DYNC1I2: variants seen among roughly 807,000 people sequenced by gnomAD.
DYNC1I2 encodes the protein dynein cytoplasmic 1 intermediate chain 2.
DYNC1I2 carries 53 observed loss-of-function variants against 88.6 expected under a neutral mutation model. That is an observed-to-expected ratio of 0.60 (90% confidence interval 0.48 to 0.75). The LOEUF is 0.75. Among genes scored for constraint, DYNC1I2 ranks in the 30% least tolerant of loss-of-function variants. The pLI is 0.00. For missense variants in DYNC1I2, 458 were observed against 766.6 expected (o/e 0.60, Z 4.75); for synonymous variants, 198 against 254.6 (o/e 0.78, Z 2.12).
chr2:171,698,834 A>G (rs1029046012), intron 3 of DYNC1I2, among the ~76,000 whole-genome samples: 4 of 151,972 alleles, frequency 2.6e-5, no homozygotes, highest in Non-Finnish European at 5.9e-5. Flanking sequence ...GCGCCACTGC[A>G]CTCCAGCCTG....
chr2:171,706,335 C>G (rs1427705259), intron 3 of DYNC1I2, among the ~76,000 whole-genome samples: 3 of 152,106 alleles, frequency 2.0e-5, no homozygotes, highest in Non-Finnish European at 4.4e-5. Context: ...CAGTGATGAT[C>G]CTCCTATACT....
intron 6 of DYNC1I2, 54 bp downstream of exon 6, chr2:171,712,880 G>A: frequency 1.4e-6 from 2 of 1,443,650 alleles, no homozygotes; most frequent in Non-Finnish European, 1.9e-6. Context: ...GATTCTTTGT[G>A]AAACTGTCCT....
intron 7 of DYNC1I2, among the ~76,000 whole-genome samples, chr2:171,719,828 C>T (rs553296634): frequency 5.3e-5 from 8 of 152,234 alleles, no homozygotes; most frequent in Admixed American, 3.9e-4. Context: ...GCTTTGCTGT[C>T]TTAAAGCGCC....
intron 7 of DYNC1I2, among the ~76,000 whole-genome samples, chr2:171,718,839 C>CACCAAA (rs1236435270): frequency 6.6e-6 from 1 of 152,136 alleles, no homozygotes; most frequent in Non-Finnish European, 1.5e-5. Flanking sequence ...GTAATGCTGT[C>CACCAAA]ACCAAAACCC....
At chr2:171,721,639 CAA>C (rs1340991675) in intron 7 of DYNC1I2, among the ~76,000 whole-genome samples, 8 of 152,116 alleles carry the variant, frequency 5.3e-5, no homozygotes, top group African/African-American at 1.4e-4. Context: ...TTTTATAAGT[CAA>C]ATCATATTTT....
At chr2:171,700,142 A>T (rs541459883) in intron 3 of DYNC1I2, among the ~76,000 whole-genome samples, 1 of 152,122 alleles carries the variant, frequency 6.6e-6, no homozygotes, top group South Asian at 2.1e-4. Flanking sequence ...ACTTGCTTTC[A>T]TGGTGGTTCG....
At chr2:171,690,573 T>C (rs1031779991) in intron 2 of DYNC1I2, among the ~76,000 whole-genome samples, 10 of 152,056 alleles carry the variant, frequency 6.6e-5, no homozygotes, top group African/African-American at 1.2e-4. Context: ...ATTTGATTTA[T>C]TAAAGTTCAA....
intron 8 of DYNC1I2, 46 bp from the exon 9 acceptor site, chr2:171,725,873 A>G (rs375800378): frequency 6.6e-7 from 1 of 1,512,070 alleles, no homozygotes; most frequent in African/African-American, 1.4e-5. Flanking sequence ...AGTTGACGTG[A>G]TTTGCCTGAC....
At chr2:171,739,104 GAA>G (rs59094657) in intron 15 of DYNC1I2, among the ~76,000 whole-genome samples, 7 of 77,294 alleles carry the variant, frequency 9.1e-5, no homozygotes, top group Admixed American at 1.4e-4. Flanking sequence ...CAACAAGAGT[GAA>G]AAAAAAAAAA....
In DYNC1I2 at chr2:171,725,373, G is replaced by A. The variant is rs118100370; in HGVS notation, c.512-245G>A. ...AGCTACAGAATTTAGGGTGGCTGTT[G>A]CTGAGGTACCACATAGGTATGTATA... On this transcript the variant is annotated intron_variant, in intron 7 of 17. Transcript: ENST00000397119. Among the ~76,000 whole-genome samples, 20 of 152,220 alleles carry A rather than the reference G, an allele frequency of 1.3e-4. No individual in the cohort carries two copies. In the East Asian group the frequency reaches 3.7e-3, roughly 28 times the overall value.
intron 15 of DYNC1I2, among the ~76,000 whole-genome samples, chr2:171,739,762 G>C (rs1468249119): frequency 7.7e-6 from 1 of 129,534 alleles, no homozygotes; most frequent in Non-Finnish European, 1.5e-5. Context: ...CTGGAGTGCA[G>C]TGGCACGATC....
At position 171,692,770 on chromosome 2, in the gene DYNC1I2, A is replaced by G; in HGVS notation, c.109-7A>G. 6.3e-7 allele frequency: 1 copy of G among 1,583,060 alleles called. No homozygotes were observed. ...GTAAACATAAGTTTTTAACCTAAAC[A>G]TTTTAGACAGACCAGAAGAAGGAAG... is the stretch of plus-strand genomic sequence containing the variant. On this transcript the variant is annotated splice_polypyrimidine_tract_variant and splice_region_variant and intron_variant, in intron 2 of 17. Coordinates refer to ENST00000397119, the MANE Select transcript of DYNC1I2 (RefSeq NM_001378.3).
At chr2:171,747,558 G>A (rs1047672143) in intron 17 of DYNC1I2, among the ~76,000 whole-genome samples, 5 of 152,156 alleles carry the variant, frequency 3.3e-5, no homozygotes, top group African/African-American at 1.2e-4. Flanking sequence ...GGTGATAATA[G>A]CCAAGTCATT....
intron 3 of DYNC1I2, among the ~76,000 whole-genome samples, chr2:171,705,947 T>C (rs1686648109): frequency 6.6e-6 from 1 of 152,042 alleles, no homozygotes; most frequent in Admixed American, 6.5e-5. Flanking sequence ...CTTATTGGTG[T>C]CAATTAGAAT....
intron 15 of DYNC1I2, among the ~76,000 whole-genome samples, chr2:171,733,423 A>G (rs1331496659): frequency 6.8e-6 from 1 of 147,482 alleles, no homozygotes; most frequent in East Asian, 2.0e-4. Context: ...CCAACAGTGT[A>G]AAAACGTTCC....
In DYNC1I2 at chr2:171,726,946, C is replaced by T. The variant is rs181848283; in HGVS notation, c.996+30C>T. On this transcript the variant is annotated intron_variant, in intron 11 of 17. Coordinates refer to ENST00000397119, the MANE Select transcript of DYNC1I2 (RefSeq NM_001378.3). ...GGTGGTCTTTTAACAGTCTTCGCCT[C>T]AAGTTTAAGAATTCATTGATGAATT... 3.1e-4 allele frequency: 477 copies of T among 1,535,878 alleles called. 1 individual carries two copies. The African/African-American group carries it at 6.1e-3, about 20-fold the overall frequency.
At chr2:171,697,173 TTGTTTTG>T (rs1011029820) in intron 3 of DYNC1I2, among the ~76,000 whole-genome samples, 6 of 151,824 alleles carry the variant, frequency 4.0e-5, no homozygotes, top group Admixed American at 1.3e-4. Context: ...ACTAATTTTT[TTGTTTTG>T]TTTTTGTTTT....
intron 3 of DYNC1I2, among the ~76,000 whole-genome samples, chr2:171,706,167 A>G (rs568709018): frequency 3.5e-4 from 53 of 152,268 alleles, no homozygotes; most frequent in South Asian, 1.7e-3. Context: ...TAGTTCCTAT[A>G]TAACTAGGAA....
At chr2:171,692,723 A>G in intron 2 of DYNC1I2, 54 bp from the exon 3 acceptor site, 2 of 1,340,110 alleles carry the variant, frequency 1.5e-6, no homozygotes, top group Non-Finnish European at 1.0e-6. Flanking sequence ...ACATTTTTGC[A>G]AACAAATTTT....
Sources: gnomAD v4.1 joint callset for allele counts (sites outside exome capture counted in the v4.1 genomes callset) on GRCh38, gnomAD v4.1.1 for gene constraint, MANE v1.5 for transcripts, NCBI Gene and HGNC (gene_info 2026-07-23, HGNC 2026-07-21) for gene names.